The following SAMHD1 variants were observed in gnomAD, a reference collection of about 807,000 sequenced individuals.
SAMHD1 encodes SAM and HD domain containing deoxynucleoside triphosphate triphosphohydrolase 1.
SAMHD1 carries 54 observed loss-of-function variants against 79.6 expected under a neutral mutation model. The ratio of observed to expected loss-of-function variants is 0.68; its 90% confidence interval spans 0.55 to 0.85. The LOEUF (loss-of-function observed/expected upper bound fraction) is 0.85, where lower values mean the gene tolerates loss of function less well. Ranked by LOEUF, SAMHD1 falls within the 40% of genes least tolerant of loss-of-function variation. The pLI, the probability that SAMHD1 is intolerant of heterozygous loss-of-function variation, is 0.00. For synonymous variants in SAMHD1, 260 were observed against 264.1 expected, an observed-to-expected ratio of 0.98 and a Z score of 0.15; for missense variants, 663 against 782.7, an observed-to-expected ratio of 0.85 and a Z score of 1.82.
intron 5 of SAMHD1, 61 bp from the exon 6 acceptor site, chr20:36,927,313 C>G (rs2063542976): frequency 8.4e-7 from 1 of 1,187,540 alleles, no homozygotes; most frequent in Admixed American, 2.2e-5. Context: ...AAAACTTTTT[C>G]CTTTTTTTTT....
chr20:36,946,751 T>A lies in SAMHD1; in HGVS notation c.262A>T (p.Asn88Tyr). The change falls in exon 2 of 16, where the codon AAT (asparagine) becomes TAT (tyrosine). Residue 88 changes from asparagine (N) to tyrosine (Y), a missense_variant. Coordinates refer to ENST00000646673, the MANE Select transcript of SAMHD1 (RefSeq NM_015474.4). Reference sequence around the variant, plus strand: ...CTTCATTCTTACCTTACTCCAAGATTTTCAAAACGAGACTCATCAAGACAA... The same window carrying A: ...CTTCATTCTTACCTTACTCCAAGATATTCAAAACGAGACTCATCAAGACAA... ...LPCLDESRFE[N>Y]LGVSSLGERK... 6.2e-7 allele frequency: 1 copy of A among 1,612,620 alleles called. No individual in the cohort carries two copies. Among genetic ancestry groups the A allele is most frequent in the Non-Finnish European group, 8.5e-7 (1 of 1,178,918 alleles).
intron 13 of SAMHD1, 58 bp from the exon 14 acceptor site, chr20:36,898,602 C>A: frequency 1.5e-6 from 2 of 1,312,022 alleles, no homozygotes; most frequent in Non-Finnish European, 2.2e-6. Flanking sequence ...GAACTCAGGG[C>A]TGTAGGAGCA....
chr20:36,929,178 C>T (rs2063553779), intron 5 of SAMHD1, among the ~76,000 whole-genome samples: 1 of 152,114 alleles, frequency 6.6e-6, no homozygotes, highest in South Asian at 2.1e-4. Context: ...TGCTCAGGCT[C>T]CTGGGGACTG....
chr20:36,898,404 G>T, intron 14 of SAMHD1, 36 bp downstream of exon 14: 1 of 1,424,574 alleles, frequency 7.0e-7, no homozygotes, highest in Non-Finnish European at 9.9e-7. Flanking sequence ...TTTGCTACAT[G>T]CCACTATAGT....
chr20:36,904,133 T>G lies in SAMHD1; in HGVS notation c.1503+24A>C, dbSNP rs763140785. 2.7e-6 allele frequency: 4 copies of G among 1,474,138 alleles called. No individual in the cohort carries two copies. The Admixed American group carries it at 6.7e-5, about 25-fold the overall frequency. The allele number at this position is 1,474,138 out of a possible 1,614,324, so 91.3% of individuals were successfully genotyped here. A position where few individuals can be genotyped will look rare whatever the true frequency, so the allele number is the denominator to read the frequency against. The stretch of plus-strand genomic sequence containing the variant: ...TTATCTTTAAAACGTATTCACTCAG[T>G]TTATTACTGGGCTAATTACTTACAT... On this transcript the variant is annotated intron_variant, in intron 13 of 15. Coordinates refer to ENST00000646673, the MANE Select transcript of SAMHD1 (RefSeq NM_015474.4).
chr20:36,940,506 C>G (rs1176817757), intron 3 of SAMHD1: 1 of 162,838 alleles, frequency 6.1e-6, no homozygotes, highest in East Asian at 1.8e-4. Context: ...TGAGACCAGC[C>G]TGAGCAACAC....
intron 3 of SAMHD1, chr20:36,940,677 T>A (rs1008076488): frequency 9.5e-6 from 3 of 317,088 alleles, no homozygotes; most frequent in Non-Finnish European, 1.8e-5. Context: ...CCAGCCTAGA[T>A]GACAGAGCAA....
In SAMHD1 at chr20:36,904,188, A is replaced by T; in HGVS notation, c.1472T>A (p.Val491Glu). 6.2e-7 allele frequency: 1 copy of T among 1,613,700 alleles called. No homozygotes were observed. The highest frequency in any genetic ancestry group is 8.5e-7 in the Non-Finnish European group (1 of 1,179,646). ...ASAKPKVLLD[V>E]KLKAEDFIVD... ...TATAAAATCTTCAGCCTTCAGTTTC[A>T]CGTCTAGCAATACTTTGGGTTTAGC... is the stretch of plus-strand genomic sequence containing the variant. Residue 491 changes from valine (V) to glutamate (E), a missense_variant, in exon 13 of 16, where the codon GTG becomes GAG. Val to Glu is a moderately radical substitution (Grantham distance 121, BLOSUM62 -2). Coordinates refer to ENST00000646673, the MANE Select transcript of SAMHD1 (RefSeq NM_015474.4).
Position 36,946,751 on chromosome 20 carries a change from T to C in SAMHD1, c.262A>G (p.Asn88Asp). 6.2e-7 allele frequency: 1 copy of C among 1,612,620 alleles called. No homozygotes were observed. Among genetic ancestry groups the C allele is most frequent in the South Asian group, 1.1e-5 (1 of 90,910 alleles). Residue 88 changes from asparagine to aspartate, a missense_variant, in exon 2 of 16, where the codon AAT (asparagine) becomes GAT (aspartate). Coordinates refer to ENST00000646673, the MANE Select transcript of SAMHD1 (RefSeq NM_015474.4). ...CTTCATTCTTACCTTACTCCAAGAT[T>C]TTCAAAACGAGACTCATCAAGACAA... ...LPCLDESRFE[N>D]LGVSSLGERK... is the part of the protein sequence containing the mutation.
intron 2 of SAMHD1, among the ~76,000 whole-genome samples, chr20:36,945,024 T>G (rs2063676311): frequency 6.6e-6 from 1 of 151,192 alleles, no homozygotes. Context: ...TATGTATGTA[T>G]ATATGTATCT....
intron 3 of SAMHD1, 75 bp downstream of exon 3, chr20:36,940,964 C>A: frequency 8.7e-7 from 1 of 1,145,002 alleles, no homozygotes; most frequent in South Asian, 1.3e-5. Flanking sequence ...CTCCTATTCT[C>A]TTCAAAATGA....
chr20:36,893,085 A>G lies in SAMHD1; in HGVS notation c.1747-19T>C. On this transcript the variant is annotated intron_variant, in intron 15 of 15. Transcript: ENST00000646673. ...CGCCATCCTATTAGGAAGAGAGAGAAAAACAGGCAATAGAGAAAAGCCAGT... is the reference window on the plus strand; with the variant it reads ...CGCCATCCTATTAGGAAGAGAGAGAGAAACAGGCAATAGAGAAAAGCCAGT... 1 of 1,611,358 alleles carries G rather than the reference A, an allele frequency of 6.2e-7. No individual in the cohort carries two copies. Among genetic ancestry groups the G allele is most frequent in the Non-Finnish European group, 8.5e-7 (1 of 1,179,980 alleles).
intron 11 of SAMHD1, among the ~76,000 whole-genome samples, chr20:36,909,124 G>A (rs1407576401): frequency 6.6e-6 from 1 of 151,898 alleles, no homozygotes; most frequent in South Asian, 2.1e-4. Flanking sequence ...ACCACGCCTG[G>A]CTCATTTTTG....
At chr20:36,919,542 G>T (rs1328500987) in intron 6 of SAMHD1, 23 bp from the exon 7 acceptor site, 1 of 1,611,458 alleles carries the variant, frequency 6.2e-7, no homozygotes, top group East Asian at 2.2e-5. Flanking sequence ...AGCACAATAT[G>T]ATGTGTTAAA....
At chr20:36,898,646 G>A (rs1483127008) in intron 13 of SAMHD1, 102 bp from the exon 14 acceptor site, 2 of 876,450 alleles carry the variant, frequency 2.3e-6, no homozygotes, top group Non-Finnish European at 3.7e-6. Flanking sequence ...GGGCGCAGTA[G>A]CTCATGCCTA....
intron 13 of SAMHD1, among the ~76,000 whole-genome samples, chr20:36,903,523 G>A (rs1283911695): frequency 1.3e-5 from 2 of 148,528 alleles, no homozygotes; most frequent in Non-Finnish European, 3.0e-5. Context: ...ACAGGCATGA[G>A]CCACCGTGCC....
At chr20:36,893,938 G>A (rs900319382) in intron 15 of SAMHD1, 3 of 398,534 alleles carry the variant, frequency 7.5e-6, no homozygotes, top group African/African-American at 2.1e-5. Context: ...GACTGGAGGT[G>A]AGAAGAGGGC....
chr20:36,937,510 G>C (rs970061366), intron 3 of SAMHD1, among the ~76,000 whole-genome samples: 8 of 152,234 alleles, frequency 5.3e-5, no homozygotes, highest in African/African-American at 1.9e-4. Flanking sequence ...CATATAAAGA[G>C]CTCTTACAAC....
At chr20:36,893,893 C>T (rs891508255) in intron 15 of SAMHD1, 1 of 398,488 alleles carries the variant, frequency 2.5e-6, no homozygotes, top group African/African-American at 2.1e-5. Flanking sequence ...TGTTGGTTTC[C>T]AGTTAGATTT....
Sources: allele counts gnomAD v4.1 joint callset (sites outside exome capture counted in the v4.1 genomes callset), GRCh38; gene constraint gnomAD v4.1.1; transcripts MANE v1.5; gene names NCBI Gene and HGNC (gene_info 2026-07-23, HGNC 2026-07-21).